Variants in NUP214 observed in about 807,000 individuals in gnomAD.
The protein encoded by NUP214 is nucleoporin 214, also known as nuclear pore complex protein Nup214.
A neutral mutation model predicts 196.2 loss-of-function variants in NUP214; 79 were observed. The ratio of observed to expected loss-of-function variants is 0.40; its 90% CI spans 0.34 to 0.49. The LOEUF is 0.49. Among genes scored for constraint, NUP214 ranks in the 20% least tolerant of loss-of-function variants. The pLI, the probability that NUP214 is intolerant of heterozygous loss-of-function variation, is 0.58. For synonymous variants in NUP214, 1,020 were observed against 990.5 expected, an observed-to-expected ratio of 1.03 and a Z score of -0.56; for missense variants, 2,468 against 2,539.0, an observed-to-expected ratio of 0.97 and a Z score of 0.60.
intron 30 of NUP214, 30 bp downstream of exon 30, chr9:131,201,747 A>G (rs776825251): frequency 6.4e-6 from 10 of 1,564,312 alleles, no homozygotes; most frequent in Non-Finnish European, 7.9e-6. Flanking sequence ...CATTCACGTC[A>G]ACATGTATCA....
At chr9:131,225,510 A>G (rs1230226603) in intron 32 of NUP214, among the ~76,000 whole-genome samples, 1 of 152,224 alleles carries the variant, frequency 6.6e-6, no homozygotes, top group Non-Finnish European at 1.5e-5. Context: ...TATTTGCCCC[A>G]TGAAACTAAT....
rs1344250759 is a variant in NUP214, at chr9:131,228,060, C to A, written c.5903-100C>A. On this transcript the variant is annotated intron_variant, in intron 32 of 35. Coordinates refer to ENST00000359428, the MANE Select transcript of NUP214 (RefSeq NM_005085.4). ...GCTAACATCCTCTTTTCCCTTTTTT[C>A]TTCCTATTTTGATTTGGTTTCTCAT... 6.7e-6 allele frequency: 8 copies of A among 1,196,484 alleles called. No homozygotes were observed. In the East Asian group the frequency reaches 2.3e-4, roughly 34 times the overall value. 74.1% of individuals were successfully genotyped at this position (1,196,484 alleles called of 1,614,324 possible). A position where few individuals can be genotyped will look rare whatever the true frequency, so the allele number is the denominator to read the frequency against.
At chr9:131,160,892 A>G (rs1278182157) in intron 18 of NUP214, among the ~76,000 whole-genome samples, 3 of 152,142 alleles carry the variant, frequency 2.0e-5, no homozygotes, top group African/African-American at 4.8e-5. Flanking sequence ...ACTTGTCTCC[A>G]TGGGCAGTGG....
Position 131,160,832 on chromosome 9 carries a change from C to G in NUP214, c.2540+1346C>G, listed in dbSNP as rs554959964. Among the ~76,000 whole-genome samples the G allele has an allele frequency of 3.9e-5, 6 of 152,330 alleles. No individual in the cohort carries two copies. The South Asian group carries it at 1.2e-3, about 32-fold the overall frequency. Reference sequence around the variant, plus strand: ...TATAGGGAGATAGAAGTGAGAAGCTCTCCTCCGCCACTATCTAAGGGGAGA... The same window carrying G: ...TATAGGGAGATAGAAGTGAGAAGCTGTCCTCCGCCACTATCTAAGGGGAGA... On this transcript the variant is annotated intron_variant, in intron 18 of 35. Transcript: ENST00000359428.
chr9:131,130,309 A>G (rs930611166), intron 4 of NUP214, among the ~76,000 whole-genome samples: 27 of 151,474 alleles, frequency 1.8e-4, no homozygotes, highest in African/African-American at 6.3e-4. Flanking sequence ...ATGCCCAGCT[A>G]ATTTTTGTAT....
At chr9:131,200,027 G>A (rs1833898873) in intron 29 of NUP214, among the ~76,000 whole-genome samples, 1 of 152,154 alleles carries the variant, frequency 6.6e-6, no homozygotes, top group Non-Finnish European at 1.5e-5. Context: ...CAGAAAATGG[G>A]CAAGGAGAAG....
chr9:131,169,042 T>TG (rs1251940074), intron 21 of NUP214, among the ~76,000 whole-genome samples: 9 of 147,818 alleles, frequency 6.1e-5, no homozygotes, highest in South Asian at 2.1e-4. Flanking sequence ...TTGTTTTTTT[T>TG]TTTTTTTTGG....
At chr9:131,208,820 TC>T (rs948482790) in intron 30 of NUP214, among the ~76,000 whole-genome samples, 3 of 149,948 alleles carry the variant, frequency 2.0e-5, no homozygotes, top group African/African-American at 7.4e-5. Context: ...ATGGAGACCA[TC>T]CTGGCCAACA....
In NUP214 at chr9:131,218,353, G is replaced by T. The variant is rs571115498; in HGVS notation, c.5749+2985G>T. Among the ~76,000 whole-genome samples, 3 of 152,306 alleles carry T rather than the reference G, an allele frequency of 2.0e-5. No homozygotes were observed. The East Asian group carries it at 5.8e-4, about 29-fold the overall frequency. Reference sequence around the variant, plus strand: ...AGTGGAGAAGGAAGAGCTGGGAGTCGTCTGGGGAAAGGCATTGTCCTCACC... The same window carrying T: ...AGTGGAGAAGGAAGAGCTGGGAGTCTTCTGGGGAAAGGCATTGTCCTCACC... On this transcript the variant is annotated intron_variant, in intron 31 of 35. Transcript: ENST00000359428.
At chr9:131,218,740 C>A (rs1164337931) in intron 31 of NUP214, among the ~76,000 whole-genome samples, 1 of 152,124 alleles carries the variant, frequency 6.6e-6, no homozygotes, top group African/African-American at 2.4e-5. Flanking sequence ...TACTCAAACC[C>A]TTGGGCAACT....
chr9:131,199,985 T>C (rs112172538), intron 29 of NUP214, among the ~76,000 whole-genome samples: 7,170 of 152,286 alleles, frequency 0.047, 264 homozygotes, highest in African/African-American at 0.1. Context: ...GCCAGAGGGC[T>C]GCTGAATGAT....
In NUP214 at chr9:131,213,836, A is replaced by ACT. The variant is rs1462522877; in HGVS notation, c.5593-1376_5593-1375insCT. On this transcript the variant is annotated intron_variant, in intron 30 of 35. Coordinates refer to ENST00000359428, the MANE Select transcript of NUP214 (RefSeq NM_005085.4). ...AAAGAGACTAGGAAGTACATTAAGT[A>ACT]TGTTACCCTAAGACAGAAATTAGCT... Among the ~76,000 whole-genome samples, 52 of 152,124 alleles carry ACT rather than the reference A, an allele frequency of 3.4e-4. No individual in the cohort carries two copies. The East Asian group carries it at 8.5e-3, about 25-fold the overall frequency.
chr9:131,142,120 ACT>A (rs1831935250), intron 11 of NUP214, among the ~76,000 whole-genome samples: 1 of 151,654 alleles, frequency 6.6e-6, no homozygotes, highest in South Asian at 2.1e-4. Flanking sequence ...TAGTGTGTGT[ACT>A]CTTTGTGTTG....
chr9:131,163,835 C>G (rs1832711847), intron 19 of NUP214, 35 bp from the exon 20 acceptor site: 1 of 1,540,726 alleles, frequency 6.5e-7, no homozygotes, highest in Non-Finnish European at 9.0e-7. Flanking sequence ...CTTTCAGCTC[C>G]TAGTTGGTCT....
At position 131,193,629 on chromosome 9, in the gene NUP214, C is replaced by CTT. The variant is rs71389402; in HGVS notation, c.3659+1369_3659+1370dup. Among the ~76,000 whole-genome samples, 75 of 28,226 alleles carry CTT rather than the reference C, an allele frequency of 2.7e-3. 3 individuals are homozygous for CTT. Among genetic ancestry groups the CTT allele is most frequent in the African/African-American group, 5.9e-3 (49 of 8,336 alleles). 18.5% of individuals were successfully genotyped at this position (28,226 alleles called of 152,430 possible). ...GTGAAATGATATTCTTCTTCCTTTT[C>CTT]TTTTTTTTTTTTTTTTTTTTTTTTT... On this transcript the variant is annotated intron_variant, in intron 27 of 35. Transcript: ENST00000359428.
chr9:131,130,137 G>GTTTTGTTTTTTTTTTTTTTTTTTTTTTTT (rs1564176236), intron 4 of NUP214, among the ~76,000 whole-genome samples: 1 of 76,894 alleles, frequency 1.3e-5, no homozygotes, highest in Non-Finnish European at 2.3e-5. Context: ...TTCTGGTTTT[G>GTTTTGTTTTTTTTTTTTTTTTTTTTTTTT]TTTTTTTTTT....
intron 18 of NUP214, among the ~76,000 whole-genome samples, chr9:131,159,973 TA>T (rs1380324216): frequency 6.6e-6 from 1 of 152,106 alleles, no homozygotes; most frequent in African/African-American, 2.4e-5. Flanking sequence ...GTAATTTACA[TA>T]AAATAATTTA....
chr9:131,176,808 A>G (rs1039050432), intron 23 of NUP214, among the ~76,000 whole-genome samples: 2 of 152,186 alleles, frequency 1.3e-5, no homozygotes, highest in African/African-American at 2.4e-5. Flanking sequence ...CAAGGACTTC[A>G]GTTATCACTA....
chr9:131,127,773 C>T, intron 2 of NUP214, 54 bp downstream of exon 2: 1 of 1,291,122 alleles, frequency 7.7e-7, no homozygotes, highest in Non-Finnish European at 1.1e-6. Context: ...GTGGCATGCT[C>T]TTGTGTTTCC....
Sources: gnomAD v4.1 joint callset for allele counts (sites outside exome capture counted in the v4.1 genomes callset) on GRCh38, gnomAD v4.1.1 for gene constraint, MANE v1.5 for transcripts, NCBI Gene and HGNC (gene_info 2026-07-23, HGNC 2026-07-21) for gene names.